The following METTL16 variants were observed in gnomAD, a reference collection of about 807,000 sequenced individuals.
The protein encoded by METTL16 is RNA N(6)-adenosine-methyltransferase METTL16.
Under a neutral mutation model 57.9 loss-of-function variants are expected in METTL16, and 19 were observed. The ratio of observed to expected loss-of-function variants is 0.33; its 90% CI spans 0.23 to 0.48. METTL16 has a LOEUF of 0.48. Among genes scored for constraint, METTL16 ranks in the 20% least tolerant of loss-of-function variants. The probability of loss-of-function intolerance (pLI) is 0.99; values close to 1 mark genes in which losing one functional copy is unlikely to be tolerated. For missense variants in METTL16, 434 were observed against 691.5 expected, an observed-to-expected ratio of 0.63 and a Z score of 4.18; for synonymous variants, 246 against 255.6, an observed-to-expected ratio of 0.96 and a Z score of 0.36.
rs1342218402 is a variant in METTL16, at chr17:2,419,924, C to A, written c.*46G>T. ...TCCTCTTGCCACCCCACAGGCCACTCCAAAGCAAGTTACTATCAACACGTT... is the reference window on the plus strand; with the variant it reads ...TCCTCTTGCCACCCCACAGGCCACTACAAAGCAAGTTACTATCAACACGTT... On this transcript the variant is annotated 3_prime_UTR_variant, in exon 10 of 10. Coordinates refer to ENST00000263092, the MANE Select transcript of METTL16 (RefSeq NM_024086.4). 1 of 1,601,732 alleles carries A rather than the reference C, an allele frequency of 6.2e-7. No homozygotes were observed. The highest frequency in any genetic ancestry group is 8.5e-7 in the Non-Finnish European group (1 of 1,172,814).
At chr17:2,437,128 C>G (rs546593370) in intron 8 of METTL16, among the ~76,000 whole-genome samples, 9 of 152,058 alleles carry the variant, frequency 5.9e-5, no homozygotes, top group African/African-American at 2.2e-4. Flanking sequence ...GTGATCTGCC[C>G]GCCTCGGCCT....
chr17:2,491,663 CA>C (rs1423671617), intron 2 of METTL16, among the ~76,000 whole-genome samples: 1 of 151,774 alleles, frequency 6.6e-6, no homozygotes, highest in Non-Finnish European at 1.5e-5. Flanking sequence ...ATCACGAGGT[CA>C]GGAGATGGAG....
intron 4 of METTL16, among the ~76,000 whole-genome samples, chr17:2,470,551 G>A (rs888378124): frequency 1.3e-5 from 2 of 152,190 alleles, no homozygotes; most frequent in African/African-American, 2.4e-5. Context: ...GCTCATGCCT[G>A]TAACTCCAGC....
intron 6 of METTL16, among the ~76,000 whole-genome samples, chr17:2,449,117 C>T (rs1417677843): frequency 6.6e-6 from 1 of 151,692 alleles, no homozygotes; most frequent in Non-Finnish European, 1.5e-5. Context: ...TTTTAAAATG[C>T]CATTTACGGT....
chr17:2,435,391 G>A (rs1405469618), intron 8 of METTL16, among the ~76,000 whole-genome samples: 1 of 152,140 alleles, frequency 6.6e-6, no homozygotes, highest in Non-Finnish European at 1.5e-5. Flanking sequence ...ACCCCCACCA[G>A]GAGCAAGAGG....
chr17:2,460,603 G>A (rs1264643799), intron 6 of METTL16, among the ~76,000 whole-genome samples: 1 of 152,104 alleles, frequency 6.6e-6, no homozygotes, highest in African/African-American at 2.4e-5. Context: ...GCCATAATGA[G>A]GGTTGGGCGC....
chr17:2,451,976 T>C (rs2067074312), intron 6 of METTL16, among the ~76,000 whole-genome samples: 2 of 151,420 alleles, frequency 1.3e-5, no homozygotes, highest in African/African-American at 2.4e-5. Flanking sequence ...CAAGACCCCA[T>C]CTCTACAAAA....
Position 2,499,507 on chromosome 17 carries a change from C to T in METTL16, c.128+2697G>A, listed in dbSNP as rs9941365. 6.8e-3 allele frequency among the ~76,000 whole-genome samples: 1,035 copies of T among 151,730 alleles called. 19 individuals carry two copies. The highest frequency in any genetic ancestry group is 0.024 in the African/African-American group (978 of 41,326). ...CTAAAGCTACTAGGATCAACATCCA[C>T]GTATATCACTATGAAACAATGACTT... is the stretch of plus-strand genomic sequence containing the variant. On this transcript the variant is annotated intron_variant, in intron 2 of 9. Coordinates refer to ENST00000263092, the MANE Select transcript of METTL16 (RefSeq NM_024086.4).
intron 3 of METTL16, 42 bp downstream of exon 3, chr17:2,477,644 T>C: frequency 6.8e-7 from 1 of 1,465,112 alleles, no homozygotes; most frequent in Non-Finnish European, 9.5e-7. Context: ...TCGCAAAACT[T>C]ATGAAAACTG....
chr17:2,509,940 G>A (rs527946614), intron 1 of METTL16, among the ~76,000 whole-genome samples: 14 of 151,836 alleles, frequency 9.2e-5, no homozygotes, highest in African/African-American at 3.1e-4. Flanking sequence ...AGCTGGGCGT[G>A]GTGGTGGGTG....
chr17:2,439,596 GGAGT>G (rs1468746165), intron 7 of METTL16, among the ~76,000 whole-genome samples: 2 of 151,858 alleles, frequency 1.3e-5, no homozygotes, highest in Non-Finnish European at 2.9e-5. Flanking sequence ...GATCTATAAA[GGAGT>G]GAGTTGAACT....
intron 2 of METTL16, among the ~76,000 whole-genome samples, chr17:2,483,988 C>G (rs2067324827): frequency 6.6e-6 from 1 of 152,174 alleles, no homozygotes; most frequent in African/African-American, 2.4e-5. Flanking sequence ...CACTGCTAAA[C>G]ACACAAAAGG....
chr17:2,510,247 G>C (rs2067578088), intron 1 of METTL16, among the ~76,000 whole-genome samples: 1 of 152,180 alleles, frequency 6.6e-6, no homozygotes, highest in African/African-American at 2.4e-5. Flanking sequence ...GATCAAGTCA[G>C]AGTATATGGG....
At chr17:2,503,620 T>C (rs1235431249) in intron 1 of METTL16, among the ~76,000 whole-genome samples, 1 of 151,366 alleles carries the variant, frequency 6.6e-6, no homozygotes, top group African/African-American at 2.4e-5. Context: ...ACAATAAATA[T>C]AGATTAACAA....
intron 8 of METTL16, among the ~76,000 whole-genome samples, chr17:2,421,232 G>A (rs1597434020): frequency 2.0e-5 from 3 of 152,178 alleles, no homozygotes; most frequent in Non-Finnish European, 2.9e-5. Context: ...GTGTATGCCT[G>A]TGGTCCCGGC....
intron 8 of METTL16, among the ~76,000 whole-genome samples, chr17:2,429,757 C>A (rs560288795): frequency 2.0e-5 from 3 of 151,936 alleles, no homozygotes; most frequent in Non-Finnish European, 4.4e-5. Context: ...CTTGCTCCCC[C>A]TCCCCAATCA....
At chr17:2,445,738 A>G (rs939047039) in intron 6 of METTL16, among the ~76,000 whole-genome samples, 9 of 152,028 alleles carry the variant, frequency 5.9e-5, no homozygotes, top group Non-Finnish European at 1.0e-4. Flanking sequence ...GTGAGCTGAG[A>G]TGGTGCCACT....
chr17:2,441,536 T>A lies in METTL16; in HGVS notation c.752A>T (p.Lys251Met). 1 of 1,596,468 alleles carries A rather than the reference T, an allele frequency of 6.3e-7. No homozygotes were observed. Reference protein sequence around the residue: ...RLRWYSCMLGKKCSLAPLKEE... With the variant: ...RLRWYSCMLGMKCSLAPLKEE... The stretch of plus-strand genomic sequence containing the variant: ...CTTCAGAGGCGCCAGGCTGCATTTC[T>A]TTCCCAGCATGCAGCTATACCATCT... The change falls in exon 7 of 10, where the codon AAG becomes ATG. Residue 251 changes from lysine to methionine, a missense_variant. Physicochemically the swap from Lys to Met is moderately conservative, Grantham distance 95. Around this residue, in one of 5 missense-constraint regions of METTL16, gnomAD observed 96 missense variants for 138.3 expected, o/e 0.69. Coordinates refer to ENST00000263092, the MANE Select transcript of METTL16 (RefSeq NM_024086.4).
chr17:2,477,059 G>A (rs937208635), intron 3 of METTL16, among the ~76,000 whole-genome samples: 3 of 150,138 alleles, frequency 2.0e-5, no homozygotes, highest in East Asian at 4.0e-4. Context: ...AAGCTAAATA[G>A]GGCCAGGCGT....
Sources: gnomAD v4.1 joint callset for allele counts (sites outside exome capture counted in the v4.1 genomes callset) on GRCh38, gnomAD v4.1.1 for gene constraint, gnomAD v4.1.1 regional missense constraint, MANE v1.5 for transcripts, NCBI Gene and HGNC (gene_info 2026-07-23, HGNC 2026-07-21) for gene names.